GLB1: variants seen among roughly 807,000 people sequenced by gnomAD.
GLB1 encodes the protein galactosidase beta 1.
In GLB1, 56 loss-of-function variants were observed where a neutral mutation model predicts 74.0. The ratio of observed to expected loss-of-function variants is 0.76; its 90% CI spans 0.61 to 0.94. GLB1 has a LOEUF of 0.94. GLB1 is among the 40% of genes least tolerant of loss of function. The probability of loss-of-function intolerance (pLI) is 0.00; values close to 1 mark genes in which losing one functional copy is unlikely to be tolerated. For missense variants in GLB1, 787 were observed against 845.5 expected, an observed-to-expected ratio of 0.93 and a Z score of 0.86; for synonymous variants, 323 against 323.6, an observed-to-expected ratio of 1.00 and a Z score of 0.02.
intron 10 of GLB1, among the ~76,000 whole-genome samples, chr3:33,038,374 T>C (rs2125501620): frequency 6.6e-6 from 1 of 152,374 alleles, no homozygotes; most frequent in East Asian, 1.9e-4. Flanking sequence ...TAGCAAATTC[T>C]GGAGAATCTC....
intron 15 of GLB1, among the ~76,000 whole-genome samples, chr3:33,000,912 C>G (rs965941780): frequency 1.3e-5 from 2 of 152,194 alleles, no homozygotes; most frequent in Non-Finnish European, 2.9e-5. Flanking sequence ...TTGTCTTAGA[C>G]TGCTGCAGCC....
In GLB1 at chr3:33,087,579, GCACACACACACACACACA is replaced by G. The variant is rs57935919; in HGVS notation, c.75+9414_75+9431del. On this transcript the variant is annotated intron_variant, in intron 1 of 15. Coordinates refer to ENST00000307363, the MANE Select transcript of GLB1 (RefSeq NM_000404.4). ...AGCAAGACCATGTCTCAGCATGCGC[GCACACACACACACACACA>G]CACACACACACACACACACACACAC... 3.4e-3 allele frequency among the ~76,000 whole-genome samples: 479 copies of G among 141,904 alleles called. 5 individuals carry two copies. The highest frequency in any genetic ancestry group is 0.01 in the African/African-American group (379 of 37,724). 93.1% of individuals were successfully genotyped at this position (141,904 alleles called of 152,430 possible). A position where few individuals can be genotyped will look rare whatever the true frequency, so the allele number is the denominator to read the frequency against.
At chr3:32,994,156 A>G (rs1696267738), downstream of GLB1, among the ~76,000 whole-genome samples, 1 of 152,212 alleles carries the variant, frequency 6.6e-6, no homozygotes, top group South Asian at 2.1e-4. Context: ...CATAATAGTC[A>G]AAACTGGAAA....
chr3:33,084,088 C>T (rs1293959369), intron 1 of GLB1, among the ~76,000 whole-genome samples: 2 of 152,122 alleles, frequency 1.3e-5, no homozygotes, highest in African/African-American at 4.8e-5. Flanking sequence ...TCTTAATCCC[C>T]AGCACCCTAC....
chr3:33,096,709 T>C (rs1346479033), intron 1 of GLB1: 9 of 1,220,138 alleles, frequency 7.4e-6, no homozygotes, highest in Non-Finnish European at 9.2e-6. Flanking sequence ...TAGGAAATGT[T>C]TACACGCACC....
downstream of GLB1, among the ~76,000 whole-genome samples, chr3:32,994,028 C>T (rs1295747000): frequency 6.6e-6 from 1 of 152,176 alleles, no homozygotes; most frequent in African/African-American, 2.4e-5. Context: ...GTTCCTTAAA[C>T]AGTTCAATAT....
chr3:32,990,523 A>ATAGTTAAATGCTGAGGGGC, the GLB1 span, among the ~76,000 whole-genome samples: 1 of 152,208 alleles, frequency 6.6e-6, no homozygotes, highest in African/African-American at 2.4e-5. Flanking sequence ...ACCTACTAAA[A>ATAGTTAAATGCTGAGGGGC]TAGTTAAATG....
chr3:33,032,888 T>C (rs1698111539), intron 10 of GLB1, among the ~76,000 whole-genome samples: 1 of 152,250 alleles, frequency 6.6e-6, no homozygotes, highest in Non-Finnish European at 1.5e-5. Flanking sequence ...AAAAGTAATA[T>C]AATTTGACCA....
chr3:32,961,970 C>T, the GLB1 span, among the ~76,000 whole-genome samples: 4 of 152,078 alleles, frequency 2.6e-5, no homozygotes, highest in Non-Finnish European at 4.4e-5. Flanking sequence ...CCAAGGCAGG[C>T]GGATCACTGG....
chr3:33,045,897 TA>T, intron 10 of GLB1: 1 of 809,918 alleles, frequency 1.2e-6, no homozygotes, highest in Non-Finnish European at 1.8e-6. Flanking sequence ...TTGCAGTTTT[TA>T]AATACATGTC....
chr3:33,087,623 A>T (rs1575493267), intron 1 of GLB1, among the ~76,000 whole-genome samples: 1 of 147,612 alleles, frequency 6.8e-6, no homozygotes, highest in East Asian at 2.0e-4. Context: ...ACACACACAC[A>T]CACACACTCA....
rs1244214402 is a variant in GLB1, at chr3:33,058,134, A to G, written c.688T>C (p.Cys230Arg). ...TDGAHKTFLK[C>R]GALQGLYTTV... ...GTGTAGAGGCCCTGCAGGGCCCCAC[A>G]TTTCAGGAATGTTTTATGTGCTCCA... The change falls in exon 6 of 16, where the codon TGT becomes CGT. Residue 230 changes from cysteine to arginine, a missense_variant. By Grantham distance (180) the Cys-to-Arg change is radical. Transcript: ENST00000307363. 2 of 1,614,064 alleles carry G rather than the reference A, an allele frequency of 1.2e-6. No individual in the cohort carries two copies. Among genetic ancestry groups the G allele is most frequent in the Non-Finnish European group, 1.7e-6 (2 of 1,180,026 alleles).
downstream of GLB1, among the ~76,000 whole-genome samples, chr3:32,992,281 C>T (rs1696240437): frequency 6.6e-6 from 1 of 152,192 alleles, no homozygotes; most frequent in Non-Finnish European, 1.5e-5. Flanking sequence ...GTCTCCTTCA[C>T]CTTTGTGTCC....
chr3:33,092,175 C>T (rs912558641), intron 1 of GLB1: 1 of 985,614 alleles, frequency 1.0e-6, no homozygotes, highest in Non-Finnish European at 1.2e-6. Context: ...GACCTTGCCC[C>T]CAAAGGCCCA....
intron 10 of GLB1, chr3:33,037,775 A>T (rs565218627): frequency 6.6e-6 from 1 of 152,362 alleles, no homozygotes; most frequent in South Asian, 2.1e-4. Flanking sequence ...AGTGGGCACA[A>T]GTTTCCAGGG....
chr3:33,034,096 CTA>C (rs1698170510), intron 10 of GLB1: 1 of 586,992 alleles, frequency 1.7e-6, no homozygotes, highest in Non-Finnish European at 3.3e-6. Flanking sequence ...CATTGTGCTC[CTA>C]TGATTGGAAA....
At chr3:33,003,034 G>C (rs1039505424) in intron 15 of GLB1, among the ~76,000 whole-genome samples, 1 of 152,184 alleles carries the variant, frequency 6.6e-6, no homozygotes, top group Non-Finnish European at 1.5e-5. Flanking sequence ...ATACACAGAA[G>C]ATTAATTCTC....
At chr3:33,088,554 G>C (rs945578485) in intron 1 of GLB1, among the ~76,000 whole-genome samples, 1 of 151,862 alleles carries the variant, frequency 6.6e-6, no homozygotes, top group Non-Finnish European at 1.5e-5. Context: ...GCATCAAAAA[G>C]AATAAAATAC....
At chr3:32,977,845 G>A in the GLB1 span, among the ~76,000 whole-genome samples, 1 of 152,274 alleles carries the variant, frequency 6.6e-6, no homozygotes, top group Non-Finnish European at 1.5e-5. Flanking sequence ...GCATGGGAGA[G>A]TTTACTATCT....
Sources: allele counts gnomAD v4.1 joint callset (sites outside exome capture counted in the v4.1 genomes callset), GRCh38; gene constraint gnomAD v4.1.1; transcripts MANE v1.5; gene names NCBI Gene and HGNC (gene_info 2026-07-23, HGNC 2026-07-21).